C3orf20: variants seen among roughly 807,000 people sequenced by gnomAD.
C3orf20 encodes uncharacterized protein C3orf20.
C3orf20 carries 76 observed loss-of-function variants against 88.3 expected under a neutral mutation model. The observed-to-expected ratio is 0.86, with a 90% CI of 0.72 to 1.04. The LOEUF is 1.04. Ranked by LOEUF, C3orf20 falls within the 50% of genes least tolerant of loss-of-function variation. The pLI is 0.00. For synonymous variants in C3orf20, 436 were observed against 437.4 expected, an observed-to-expected ratio of 1.00 and a Z score of 0.04; for missense variants, 1,056 against 1,123.3, an observed-to-expected ratio of 0.94 and a Z score of 0.86.
At chr3:14,758,842 C>T (rs2035468654) in intron 13 of C3orf20, among the ~76,000 whole-genome samples, 2 of 152,206 alleles carry the variant, frequency 1.3e-5, no homozygotes. Flanking sequence ...TTGTCCCATA[C>T]AGCAAAGCCA....
Position 14,714,149 on chromosome 3 carries a change from C to T in C3orf20, c.1303C>T (p.Leu435=). 6.2e-7 allele frequency: 1 copy of T among 1,613,818 alleles called. No individual in the cohort carries two copies. Among genetic ancestry groups the T allele is most frequent in the Non-Finnish European group, 8.5e-7 (1 of 1,179,978 alleles). Reference sequence around the variant, plus strand: ...AGGCCAGGGCTGTGTTCACTACAACCTAAAAACCAGGTAAGTGGACTGGGA... The same window carrying T: ...AGGCCAGGGCTGTGTTCACTACAACTTAAAAACCAGGTAAGTGGACTGGGA... ...TEGQGCVHYN[L]KTSCPYVLIL... The change falls in exon 8 of 17, where the codon CTA becomes TTA. Residue 435 remains leucine (L), a synonymous_variant. Transcript: ENST00000253697.
intron 13 of C3orf20, 85 bp from the exon 14 acceptor site, chr3:14,759,806 G>C: frequency 8.7e-7 from 1 of 1,149,450 alleles, no homozygotes; most frequent in Non-Finnish European, 1.3e-6. Flanking sequence ...GACTCAGGGG[G>C]AACCAGGCCT....
chr3:14,697,535 G>C (rs1276287690), intron 5 of C3orf20, among the ~76,000 whole-genome samples: 1 of 151,622 alleles, frequency 6.6e-6, no homozygotes, highest in East Asian at 1.9e-4. Context: ...AATTATTTCA[G>C]TCTCTTTTTT....
intron 4 of C3orf20, among the ~76,000 whole-genome samples, chr3:14,685,019 A>G (rs1427804407): frequency 6.6e-6 from 1 of 152,232 alleles, no homozygotes; most frequent in African/African-American, 2.4e-5. Flanking sequence ...CTGTCTTTAA[A>G]TTAAAAATAA....
At chr3:14,680,901 A>G (rs149099953) in intron 1 of C3orf20, among the ~76,000 whole-genome samples, 1 of 152,300 alleles carries the variant, frequency 6.6e-6, no homozygotes, top group African/African-American at 2.4e-5. Flanking sequence ...TGTCCTGTGG[A>G]CTTATCATTT....
intron 12 of C3orf20, among the ~76,000 whole-genome samples, chr3:14,753,376 A>G (rs1255094725): frequency 6.6e-6 from 1 of 152,220 alleles, no homozygotes; most frequent in Non-Finnish European, 1.5e-5. Context: ...ATTAGGAGAA[A>G]TACCTAATGT....
At chr3:14,721,234 C>T (rs1448204237) in intron 9 of C3orf20, among the ~76,000 whole-genome samples, 1 of 152,230 alleles carries the variant, frequency 6.6e-6, no homozygotes, top group Non-Finnish European at 1.5e-5. Context: ...TGGTCACCTT[C>T]CTACCACTGT....
At chr3:14,733,376 T>C (rs2034601299) in intron 12 of C3orf20, among the ~76,000 whole-genome samples, 1 of 152,114 alleles carries the variant, frequency 6.6e-6, no homozygotes, top group Non-Finnish European at 1.5e-5. Flanking sequence ...ACTTTAGGAG[T>C]TTTTGTATCT....
chr3:14,742,392 A>C (rs879244945), intron 12 of C3orf20, among the ~76,000 whole-genome samples: 1 of 152,222 alleles, frequency 6.6e-6, no homozygotes, highest in African/African-American at 2.4e-5. Context: ...ATCAGGGTAC[A>C]TTGGGATGTA....
intron 5 of C3orf20, 70 bp downstream of exon 5, chr3:14,690,186 A>C: frequency 6.2e-7 from 1 of 1,603,318 alleles, no homozygotes; most frequent in Non-Finnish European, 8.5e-7. Context: ...GTTTCCGTCT[A>C]CCCTGTGTAG....
chr3:14,761,531 G>A lies in C3orf20; in HGVS notation c.2411G>A (p.Ser804Asn). The change falls in exon 15 of 17, where the codon AGC (serine) becomes AAC (asparagine). Residue 804 changes from serine (S) to asparagine (N), a missense_variant. By Grantham distance (46) the Ser-to-Asn change is conservative. Coordinates refer to ENST00000253697, the MANE Select transcript of C3orf20 (RefSeq NM_032137.5). ...CGTGTTTTGAATGGATATGGCCTCA[G>A]CAAGCAGAATCTGCTGAAACAGATC... ...GGRVLNGYGL[S>N]KQNLLKQIFR... 1 of 1,614,092 alleles carries A rather than the reference G, an allele frequency of 6.2e-7. No individual in the cohort carries two copies. Among genetic ancestry groups the A allele is most frequent in the Non-Finnish European group, 8.5e-7 (1 of 1,180,004 alleles).
In C3orf20 at chr3:14,772,755, C is replaced by T. The variant is rs758057675; in HGVS notation, c.2631-36C>T. On this transcript the variant is annotated intron_variant, in intron 16 of 16. Coordinates refer to ENST00000253697, the MANE Select transcript of C3orf20 (RefSeq NM_032137.5). This position sits in a 1 kb window ranked among gnomAD's most constrained non-coding sequence, Gnocchi z 4.2. ...GGGCTCTGGGCACTGTGAAGAACAG[C>T]CCTTCCGCCTCCCGGCCCTCTATTT... 1 of 1,560,014 alleles carries T rather than the reference C, an allele frequency of 6.4e-7. No homozygotes were observed. The highest frequency in any genetic ancestry group is 8.8e-7 in the Non-Finnish European group (1 of 1,131,936).
At chr3:14,705,297 G>T (rs73022202) in intron 7 of C3orf20, among the ~76,000 whole-genome samples, 4,895 of 152,358 alleles carry the variant, frequency 0.032, 122 homozygotes, top group South Asian at 0.13. Flanking sequence ...ACCTGTGATT[G>T]CAGGGCATTC....
chr3:14,747,975 G>T (rs917564402), intron 12 of C3orf20, among the ~76,000 whole-genome samples: 2 of 151,888 alleles, frequency 1.3e-5, no homozygotes, highest in African/African-American at 4.8e-5. Flanking sequence ...TAGTGTCTTT[G>T]TCTGGCTTTG....
chr3:14,683,127 G>A lies in C3orf20; in HGVS notation c.414G>A (p.Gln138=), dbSNP rs1481207518. Residue 138 remains glutamine, a synonymous_variant, in exon 3 of 17, where the codon CAG becomes CAA. Coordinates refer to ENST00000253697, the MANE Select transcript of C3orf20 (RefSeq NM_032137.5). ...ACCAGGAGACCCTGAACAGGTTTCAGCAGCAGTCCATCCACCTGCTGACGG... is the reference window on the plus strand; with the variant it reads ...ACCAGGAGACCCTGAACAGGTTTCAACAGCAGTCCATCCACCTGCTGACGG... ...RTHQETLNRF[Q]QQSIHLLTEL... 6.2e-7 allele frequency: 1 copy of A among 1,614,118 alleles called. No homozygotes were observed. Among genetic ancestry groups the A allele is most frequent in the Middle Eastern group, 1.6e-4 (1 of 6,062 alleles).
At chr3:14,677,213 G>A (rs1410905959) in intron 1 of C3orf20, among the ~76,000 whole-genome samples, 2 of 152,164 alleles carry the variant, frequency 1.3e-5, no homozygotes, top group Non-Finnish European at 2.9e-5. Flanking sequence ...TAGTTTGATT[G>A]TCTTCTTAAG....
intron 10 of C3orf20, among the ~76,000 whole-genome samples, chr3:14,723,618 A>G (rs767869475): frequency 9.2e-5 from 14 of 152,270 alleles, no homozygotes; most frequent in South Asian, 2.1e-4. Flanking sequence ...GAAGTACCGG[A>G]GAAACACAGG....
At chr3:14,710,815 G>T (rs2033704936) in intron 7 of C3orf20, among the ~76,000 whole-genome samples, 1 of 151,982 alleles carries the variant, frequency 6.6e-6, no homozygotes, top group Non-Finnish European at 1.5e-5. Context: ...TTCTGCTGTT[G>T]TTGGGTGGGA....
At position 14,772,333 on chromosome 3, in the gene C3orf20, A is replaced by C; in HGVS notation, c.2630+132A>C. On this transcript the variant is annotated intron_variant, in intron 16 of 16. Transcript: ENST00000253697. The surrounding 1 kb of genome is among the most constrained non-coding windows in gnomAD (Gnocchi z 4.2). ...TCCAACCATCGCTGACATCTAGCCC[A>C]TGTAATCAACACAATATTGGGCGGG... 10 of 1,125,132 alleles carry C rather than the reference A, an allele frequency of 8.9e-6. No homozygotes were observed. Among genetic ancestry groups the C allele is most frequent in the Non-Finnish European group, 1.3e-5 (10 of 780,618 alleles). 69.7% of individuals were successfully genotyped at this position (1,125,132 alleles called of 1,614,324 possible).
Sources: gnomAD v4.1 joint callset for allele counts (sites outside exome capture counted in the v4.1 genomes callset) on GRCh38, gnomAD v4.1.1 for gene constraint, Gnocchi (gnomAD v3.1) non-coding constraint, MANE v1.5 for transcripts, NCBI Gene and HGNC (gene_info 2026-07-23, HGNC 2026-07-21) for gene names.